The following FSTL4 variants were observed in gnomAD, a reference collection of about 807,000 sequenced individuals.
FSTL4 encodes the protein follistatin like 4, also known as follistatin-related protein 4.
A neutral mutation model predicts 78.2 loss-of-function variants in FSTL4; 28 were observed. The observed-to-expected ratio is 0.36, with a 90% CI of 0.27 to 0.49. FSTL4 has a LOEUF of 0.49. Ranked by LOEUF, FSTL4 falls within the 20% of genes least tolerant of loss-of-function variation. The pLI is 0.98. For missense variants in FSTL4, 922 were observed against 1,084.9 expected, an observed-to-expected ratio of 0.85 and a Z score of 2.11; for synonymous variants, 422 against 440.5, an observed-to-expected ratio of 0.96 and a Z score of 0.53.
At chr5:133,620,185 C>G in the FSTL4 span, among the ~76,000 whole-genome samples, 1 of 152,090 alleles carries the variant, frequency 6.6e-6, no homozygotes, top group Admixed American at 6.6e-5. Context: ...GAATTGGTGC[C>G]TAAAATTCTG....
chr5:133,394,849 A>G (rs1308802885), intron 4 of FSTL4, among the ~76,000 whole-genome samples: 1 of 152,220 alleles, frequency 6.6e-6, no homozygotes, highest in Non-Finnish European at 1.5e-5. Context: ...TTTTATGTCT[A>G]GCTAAGGGAT....
At chr5:133,556,642 G>A (rs6874457) in intron 3 of FSTL4, among the ~76,000 whole-genome samples, 41,903 of 151,862 alleles carry the variant, frequency 0.28, 5,915 homozygotes, top group Admixed American at 0.35. Flanking sequence ...AAAGAGAATC[G>A]CTTGAACCCA....
chr5:133,306,834 C>A (rs1444027503), intron 6 of FSTL4, among the ~76,000 whole-genome samples: 3 of 152,190 alleles, frequency 2.0e-5, no homozygotes, highest in Non-Finnish European at 4.4e-5. Context: ...CAGCCTCTAT[C>A]CTCAGGGAGC....
the FSTL4 span, among the ~76,000 whole-genome samples, chr5:133,710,916 G>T: frequency 4.5e-4 from 68 of 152,228 alleles, no homozygotes; most frequent in Middle Eastern, 3.4e-3. Context: ...ATACTATCAG[G>T]AACAGTAAAA....
At chr5:133,272,945 C>T (rs59012425) in intron 6 of FSTL4, among the ~76,000 whole-genome samples, 8,010 of 152,344 alleles carry the variant, frequency 0.053, 414 homozygotes, top group African/African-American at 0.13. Flanking sequence ...CATAGAACAG[C>T]CCTTCAGTTC....
chr5:133,355,174 C>G, intron 4 of FSTL4, among the ~76,000 whole-genome samples: 1 of 152,250 alleles, frequency 6.6e-6, no homozygotes, highest in East Asian at 1.9e-4. Context: ...TGCTAGACGT[C>G]TGTGCAGCCT....
At chr5:133,314,731 T>A (rs1275920758) in intron 5 of FSTL4, among the ~76,000 whole-genome samples, 1 of 151,976 alleles carries the variant, frequency 6.6e-6, no homozygotes, top group Non-Finnish European at 1.5e-5. Context: ...AGCCTCAGTA[T>A]CCTCATCTGA....
chr5:133,707,712 C>A, the FSTL4 span, among the ~76,000 whole-genome samples: 1 of 152,110 alleles, frequency 6.6e-6, no homozygotes, highest in Non-Finnish European at 1.5e-5. Flanking sequence ...GTATAGGAAG[C>A]TGGTAAAGTT....
chr5:133,531,292 G>A (rs2112909127), intron 3 of FSTL4, among the ~76,000 whole-genome samples: 1 of 152,286 alleles, frequency 6.6e-6, no homozygotes, highest in South Asian at 2.1e-4. Context: ...TGGTATGAGT[G>A]AGGCATGAAA....
rs1759654272 is a variant in FSTL4, at chr5:133,549,653, T to C, written c.160+17533A>G. Reference sequence around the variant, plus strand: ...AACTGTCAAAATTATTTGAGGCCAATACTGAAGAAGAGTTCTTTTACATAG... The same window carrying C: ...AACTGTCAAAATTATTTGAGGCCAACACTGAAGAAGAGTTCTTTTACATAG... On this transcript the variant is annotated intron_variant, in intron 3 of 15. Coordinates refer to ENST00000265342, the MANE Select transcript of FSTL4 (RefSeq NM_015082.2). Among the ~76,000 whole-genome samples the C allele has an allele frequency of 2.0e-5, 3 of 152,170 alleles. No individual in the cohort carries two copies. The South Asian group carries it at 6.2e-4, about 31-fold the overall frequency.
At position 133,557,403 on chromosome 5, in the gene FSTL4, G is replaced by A. The variant is rs73788148; in HGVS notation, c.160+9783C>T. 3.2e-3 allele frequency among the ~76,000 whole-genome samples: 487 copies of A among 152,284 alleles called. 5 individuals carry two copies. Among genetic ancestry groups the A allele is most frequent in the Middle Eastern group, 0.014 (4 of 294 alleles). Reference sequence around the variant, plus strand: ...TTAAGTAGACGTTAATATGCTTAGAGAATTTCCTTTTACCTTCCTGCTTCT... The same window carrying A: ...TTAAGTAGACGTTAATATGCTTAGAAAATTTCCTTTTACCTTCCTGCTTCT... On this transcript the variant is annotated intron_variant, in intron 3 of 15. Coordinates refer to ENST00000265342, the MANE Select transcript of FSTL4 (RefSeq NM_015082.2).
chr5:133,301,623 C>T (rs779235956), intron 6 of FSTL4, among the ~76,000 whole-genome samples: 10 of 152,106 alleles, frequency 6.6e-5, no homozygotes, highest in Non-Finnish European at 1.2e-4. Context: ...CACCTGGATG[C>T]GTTTTGCAGT....
intron 4 of FSTL4, among the ~76,000 whole-genome samples, chr5:133,362,081 C>G (rs1302370420): frequency 2.6e-5 from 4 of 152,214 alleles, no homozygotes; most frequent in Non-Finnish European, 5.9e-5. Context: ...ACTTTATCAA[C>G]AGTTGTTCAT....
chr5:133,652,258 C>G, the FSTL4 span, among the ~76,000 whole-genome samples: 1 of 151,920 alleles, frequency 6.6e-6, no homozygotes, highest in African/African-American at 2.4e-5. Context: ...GATTTCTGCT[C>G]TAATTTTTTA....
chr5:133,523,039 A>C (rs1191169842), intron 3 of FSTL4, among the ~76,000 whole-genome samples: 1 of 149,684 alleles, frequency 6.7e-6, no homozygotes, highest in Admixed American at 6.7e-5. Context: ...CAGTGTTACT[A>C]TATTTGGAGT....
intron 2 of FSTL4, among the ~76,000 whole-genome samples, chr5:133,601,336 C>T (rs1018003596): frequency 1.3e-5 from 2 of 152,134 alleles, no homozygotes; most frequent in African/African-American, 4.8e-5. Context: ...AGACAGGCTC[C>T]ATCCATATGC....
the FSTL4 span, among the ~76,000 whole-genome samples, chr5:133,747,719 T>G: frequency 6.6e-6 from 1 of 152,236 alleles, no homozygotes; most frequent in Non-Finnish European, 1.5e-5. Flanking sequence ...CCTAAAGAGC[T>G]GCTGGGAAAC....
the FSTL4 span, among the ~76,000 whole-genome samples, chr5:133,678,134 T>G: frequency 6.6e-6 from 1 of 152,218 alleles, no homozygotes; most frequent in Non-Finnish European, 1.5e-5. Flanking sequence ...AGTCACCATG[T>G]TGTGTGTGGA....
Position 133,225,377 on chromosome 5 carries a change from C to T in FSTL4, c.1178-93G>A. On this transcript the variant is annotated intron_variant, in intron 9 of 15. Coordinates refer to ENST00000265342, the MANE Select transcript of FSTL4 (RefSeq NM_015082.2). This position sits in a 1 kb window ranked among gnomAD's most constrained non-coding sequence, Gnocchi z 4.6. ...CATTGAGAGTGTTAGGGCTGCCCAG[C>T]CCCTGGGCAGCCAGCAGCCCTGATT... The T allele has an allele frequency of 2.1e-6, 3 of 1,460,184 alleles. No homozygotes were observed. Among genetic ancestry groups the T allele is most frequent in the African/African-American group, 1.4e-5 (1 of 71,348 alleles). 90.5% of individuals were successfully genotyped at this position (1,460,184 alleles called of 1,614,324 possible).
Sources: gnomAD v4.1 joint callset for allele counts (sites outside exome capture counted in the v4.1 genomes callset) on GRCh38, gnomAD v4.1.1 for gene constraint, Gnocchi (gnomAD v3.1) non-coding constraint, MANE v1.5 for transcripts, NCBI Gene and HGNC (gene_info 2026-07-23, HGNC 2026-07-21) for gene names.